MCM7: variants seen among roughly 807,000 people sequenced by gnomAD.
MCM7 encodes the protein minichromosome maintenance complex component 7.
A neutral mutation model predicts 83.5 loss-of-function variants in MCM7; 95 were observed. That is an observed-to-expected ratio of 1.14 (90% CI 0.96 to 1.35). MCM7 has a LOEUF of 1.35. Ranked by LOEUF, MCM7 falls within the 40% of genes most tolerant of loss-of-function variation. MCM7 has a pLI of 0.00. For missense variants in MCM7, 1,087 were observed against 957.4 expected (o/e 1.14, Z -1.79); for synonymous variants, 461 against 352.7 (o/e 1.31, Z -3.44).
chr7:100,099,551 C>G (rs781401070), intron 3 of MCM7, 38 bp downstream of exon 3: 1 of 1,608,830 alleles, frequency 6.2e-7, no homozygotes, highest in African/African-American at 1.3e-5. Context: ...AGCTTAAACG[C>G]CTCGCCCTTT....
Position 100,093,080 on chromosome 7 carries a change from C to A in MCM7, c.2012G>T (p.Gly671Val). 1.2e-6 allele frequency: 2 copies of A among 1,614,230 alleles called. No homozygotes were observed. Among genetic ancestry groups the A allele is most frequent in the Non-Finnish European group, 8.5e-7 (1 of 1,180,036 alleles). ...IFATVRELVS[G>V]GRSVRFSEAE... is the part of the protein sequence containing the mutation. ...CTCAGAGAACCGGACACTTCGGCCC[C>A]CTGAGACCAGTTCACGGACGGTGGC... The change falls in exon 15 of 15, where the codon GGG becomes GTG. Residue 671 changes from glycine to valine, a missense_variant. Physicochemically the swap from Gly to Val is moderately radical, Grantham distance 109. Coordinates refer to ENST00000303887, the MANE Select transcript of MCM7 (RefSeq NM_005916.5).
rs139603502 is a variant in MCM7, at chr7:100,098,164, T to C, written c.847A>G (p.Thr283Ala). ...VTGIFLPILRTGFRQVVQGLL... is the reference protein window; with the variant it reads ...VTGIFLPILRAGFRQVVQGLL... ...ACCTGTACCACCTGTCGGAACCCAG[T>C]GCGCAGGATTGGCAAGAAAATACCA... is the stretch of plus-strand genomic sequence containing the variant. Residue 283 changes from threonine to alanine, a missense_variant, in exon 7 of 15, where the codon ACT becomes GCT. Coordinates refer to ENST00000303887, the MANE Select transcript of MCM7 (RefSeq NM_005916.5). 231 of 1,614,134 alleles carry C rather than the reference T, an allele frequency of 1.4e-4. No individual in the cohort carries two copies. In the African/African-American group the frequency reaches 2.1e-3, roughly 15 times the overall value.
chr7:100,094,124 C>T, intron 13 of MCM7, 49 bp downstream of exon 13: 2 of 1,610,238 alleles, frequency 1.2e-6, no homozygotes, highest in South Asian at 1.1e-5. Flanking sequence ...TAAGGAGCTA[C>T]CCCTTTAAGG....
intron 5 of MCM7, 133 bp from the exon 6 acceptor site, chr7:100,098,848 G>C (rs764037404): frequency 5.7e-6 from 8 of 1,392,078 alleles, no homozygotes; most frequent in Non-Finnish European, 6.8e-6. Flanking sequence ...CTTACTCTGG[G>C]TCAACAACAA....
Position 100,101,332 on chromosome 7 carries a change from AGAGGTCTT to A in MCM7, c.-46_-39del, listed in dbSNP as rs1222138947. ...CCGTGCGGCCGCGCTTGGCGGGCTC[AGAGGTCTT>A]GCTCCTGGGGAAGCTGAGAATCTCC... On this transcript the variant is annotated 5_prime_UTR_variant, in exon 1 of 15. Coordinates refer to ENST00000303887, the MANE Select transcript of MCM7 (RefSeq NM_005916.5). The A allele has an allele frequency of 1.9e-6, 3 of 1,612,618 alleles. No individual in the cohort carries two copies. Among genetic ancestry groups the A allele is most frequent in the Non-Finnish European group, 2.5e-6 (3 of 1,179,788 alleles).
chr7:100,096,106 GTC>G lies in MCM7; in HGVS notation c.1261_1262del (p.Asp421LeufsTer17), dbSNP rs1795620368. 6.2e-7 allele frequency: 1 copy of G among 1,614,046 alleles called. No homozygotes were observed. The highest frequency in any genetic ancestry group is 8.5e-7 in the Non-Finnish European group (1 of 1,179,972). On this transcript the variant is annotated frameshift_variant, in exon 11 of 15. Transcript: ENST00000303887. LOFTEE classifies it high-confidence loss of function. ...CTAAGGTCAGTTCTCCACTCACGGA[GTC>G]TCTCAGCACAGCTGCCGTAAGCCCC... ...GVGLTAAVLR[D>X]SVSGELTLEG...
rs1795882910 is a variant in MCM7 at position 100,100,094 on chromosome 7, C to G, written c.32-1G>C. On this transcript the variant is annotated splice_acceptor_variant, in intron 1 of 14. Transcript: ENST00000303887. LOFTEE classifies it high-confidence loss of function. The stretch of plus-strand genomic sequence containing the variant: ...TCTTGTAAGAACTTCTTAACCTTTT[C>G]TGTAACATGAAATGTAAAACCGTAA... 1.2e-6 allele frequency: 2 copies of G among 1,613,596 alleles called. No homozygotes were observed. Among genetic ancestry groups the G allele is most frequent in the South Asian group, 2.2e-5 (2 of 90,916 alleles).
Position 100,099,339 on chromosome 7 carries a change from C to T in MCM7, c.341G>A (p.Arg114Gln), listed in dbSNP as rs2307348. The change falls in exon 4 of 15, where the codon CGG becomes CAG. Residue 114 changes from arginine to glutamine, a missense_variant. Physicochemically the swap from Arg to Gln is conservative, Grantham distance 43 (BLOSUM62 1). Transcript: ENST00000303887. Reference protein sequence around the residue: ...EHRLMMEQRSRDPGMVRSPQN... With the variant: ...EHRLMMEQRSQDPGMVRSPQN... ...GGGGCTTCGGACCATCCCAGGGTCC[C>T]GACTCCGCTGCTCCATCATTAGCCG... 949 of 1,613,460 alleles carry T rather than the reference C, an allele frequency of 5.9e-4. 14 individuals carry two copies. In the Admixed American group the frequency reaches 0.015, roughly 26 times the overall value.
In MCM7 at chr7:100,095,939, G is replaced by A; in HGVS notation, c.1430C>T (p.Thr477Ile). 1 of 1,614,060 alleles carries A rather than the reference G, an allele frequency of 6.2e-7. No homozygotes were observed. The highest frequency in any genetic ancestry group is 1.3e-5 in the African/African-American group (1 of 75,048). The change falls in exon 11 of 15, where the codon ACA (threonine) becomes ATA (isoleucine). Residue 477 changes from threonine to isoleucine, a missense_variant. Physicochemically the swap from Thr to Ile is moderately conservative, Grantham distance 89. Transcript: ENST00000303887. ...ISIAKAGILT[T>I]LNARCSILAA... ...CAGGATGGAGCAGCGGGCATTGAGT[G>A]TGGTGAGAATGCCGGCCTTGGCAAT...
chr7:100,098,093 G>A (rs764134257), intron 7 of MCM7, 48 bp downstream of exon 7: 5 of 1,603,920 alleles, frequency 3.1e-6, no homozygotes, highest in Admixed American at 1.7e-5. Flanking sequence ...GAATGAGTAG[G>A]TGAGGGAAAA....
At chr7:100,098,024 G>A (rs1048050918) in intron 7 of MCM7, 76 bp from the exon 8 acceptor site, 1 of 1,578,678 alleles carries the variant, frequency 6.3e-7, no homozygotes. Context: ...ACAATTTCTT[G>A]ACAAATCCCT....
At chr7:100,101,107 C>T (rs113970720) in intron 1 of MCM7, 157 bp downstream of exon 1, 3 of 899,306 alleles carry the variant, frequency 3.3e-6, no homozygotes, top group Middle Eastern at 2.6e-4. Context: ...TTCCCAGGCC[C>T]CGTGGGCCTT....
At position 100,097,761 on chromosome 7, in the gene MCM7, G is replaced by A. The variant is rs1233129989; in HGVS notation, c.986-16C>T. 1.2e-6 allele frequency: 2 copies of A among 1,614,030 alleles called. No homozygotes were observed. Among genetic ancestry groups the A allele is most frequent in the South Asian group, 1.1e-5 (1 of 91,074 alleles). On this transcript the variant is annotated splice_polypyrimidine_tract_variant and intron_variant, in intron 8 of 14. Transcript: ENST00000303887. ...AAATCCTCCTCTGTAGAGAAGTTAA[G>A]GTTGTTTTATTTTCTGGGGGAAAAG...
intron 10 of MCM7, among the ~76,000 whole-genome samples, chr7:100,096,973 C>T (rs867572433): frequency 2.6e-5 from 4 of 151,836 alleles, no homozygotes; most frequent in Non-Finnish European, 2.9e-5. Context: ...TGGTGGCGGG[C>T]GCCTGTAGTC....
At chr7:100,098,815 G>A (rs957006085) in intron 5 of MCM7, 100 bp from the exon 6 acceptor site, 14 of 1,505,954 alleles carry the variant, frequency 9.3e-6, no homozygotes, top group Admixed American at 5.8e-5. Context: ...CAGACATCTT[G>A]TAAGTGTCAA....
Position 100,098,278 on chromosome 7 carries a change from G to A in MCM7, c.733C>T (p.Pro245Ser), listed in dbSNP as rs1032993373. Residue 245 changes from proline (P) to serine (S), a missense_variant, in exon 7 of 15, where the codon CCT becomes TCT. Coordinates refer to ENST00000303887, the MANE Select transcript of MCM7 (RefSeq NM_005916.5). ...MKMQEHSDQVPVGNIPRSITV... is the reference protein window; with the variant it reads ...MKMQEHSDQVSVGNIPRSITV... Reference sequence around the variant, plus strand: ...ATACTACGAGGGATATTTCCCACAGGCACCTGATCACTCTAGGGGAGGGAA... The same window carrying A: ...ATACTACGAGGGATATTTCCCACAGACACCTGATCACTCTAGGGGAGGGAA... 1 of 1,614,088 alleles carries A rather than the reference G, an allele frequency of 6.2e-7. No individual in the cohort carries two copies. Among genetic ancestry groups the A allele is most frequent in the Non-Finnish European group, 8.5e-7 (1 of 1,180,010 alleles).
Position 100,099,737 on chromosome 7 carries a change from C to A in MCM7, c.128G>T (p.Arg43Leu), listed in dbSNP as rs767495591. 24 of 1,613,892 alleles carry A rather than the reference C, an allele frequency of 1.5e-5. No individual in the cohort carries two copies. Among genetic ancestry groups the A allele is most frequent in the Non-Finnish European group, 2.0e-5 (24 of 1,179,954 alleles). ...GTCCACATACAGAGCCACCTGTTCCCGATGAGCCAGCCGAACCTCAAGTGG... is the reference window on the plus strand; with the variant it reads ...GTCCACATACAGAGCCACCTGTTCCAGATGAGCCAGCCGAACCTCAAGTGG... The part of the protein sequence containing the change: ...YGNQLVRLAH[R>L]EQVALYVDLD... Residue 43 changes from arginine to leucine, a missense_variant, in exon 3 of 15, where the codon CGG (arginine) becomes CTG (leucine). Physicochemically the swap from Arg to Leu is moderately radical, Grantham distance 102. Coordinates refer to ENST00000303887, the MANE Select transcript of MCM7 (RefSeq NM_005916.5).
chr7:100,100,847 G>A lies in MCM7; in HGVS notation c.31+417C>T, dbSNP rs911044094. The A allele has an allele frequency of 2.3e-5, 23 of 1,017,158 alleles. No individual in the cohort carries two copies. In the African/African-American group the frequency reaches 3.4e-4, roughly 15 times the overall value. 63.0% of individuals were successfully genotyped at this position (1,017,158 alleles called of 1,614,324 possible). On this transcript the variant is annotated intron_variant, in intron 1 of 14. Transcript: ENST00000303887. ...GCCAATCCCGGCGCGCAGCGGCCCC[G>A]GCCTGCCCGCCCCCGGGGCCTACGC...
chr7:100,100,073 G>GT lies in MCM7; in HGVS notation c.51dup (p.Gln18ThrfsTer7), dbSNP rs756326289. 1.2e-6 allele frequency: 2 copies of GT among 1,613,978 alleles called. No individual in the cohort carries two copies. Among genetic ancestry groups the GT allele is most frequent in the East Asian group, 2.2e-5 (1 of 44,900 alleles). On this transcript the variant is annotated frameshift_variant, in exon 2 of 15. Coordinates refer to ENST00000303887, the MANE Select transcript of MCM7 (RefSeq NM_005916.5). LOFTEE classifies it high-confidence loss of function. ...AGTTCATCATCCTGGTAGAACTCTT[G>GT]TAAGAACTTCTTAACCTTTTCTGTA...
Sources: gnomAD v4.1 joint callset for allele counts (sites outside exome capture counted in the v4.1 genomes callset) on GRCh38, gnomAD v4.1.1 for gene constraint, MANE v1.5 for transcripts, NCBI Gene and HGNC (gene_info 2026-07-23, HGNC 2026-07-21) for gene names.